SULT2B1: variants seen among roughly 807,000 people sequenced by gnomAD.
The protein encoded by SULT2B1 is sulfotransferase 2B1.
In SULT2B1, 16 loss-of-function variants were observed where a neutral mutation model predicts 33.2. That is an observed-to-expected ratio of 0.48 (90% CI 0.33 to 0.73). The LOEUF (loss-of-function observed/expected upper bound fraction) is 0.73. Ranked by LOEUF, SULT2B1 falls within the 30% of genes least tolerant of loss-of-function variation. SULT2B1 has a pLI of 0.02. For synonymous variants in SULT2B1, 186 were observed against 200.5 expected, an observed-to-expected ratio of 0.93 and a Z score of 0.61; for missense variants, 500 against 506.0, an observed-to-expected ratio of 0.99 and a Z score of 0.11.
At chr19:48,573,529 A>T (rs1039472093) in intron 1 of SULT2B1, among the ~76,000 whole-genome samples, 9 of 151,992 alleles carry the variant, frequency 5.9e-5, no homozygotes, top group Non-Finnish European at 4.4e-5. Context: ...GGTGGGGGAC[A>T]GGGGGGTCCT....
chr19:48,568,880 A>G (rs1333527176), intron 1 of SULT2B1, among the ~76,000 whole-genome samples: 1 of 123,022 alleles, frequency 8.1e-6, no homozygotes, highest in Admixed American at 8.1e-5. Flanking sequence ...CCAGCAGCCC[A>G]CCACTCACTT....
intron 5 of SULT2B1, among the ~76,000 whole-genome samples, chr19:48,595,304 AC>A (rs869172125): frequency 4.0e-4 from 20 of 50,462 alleles, no homozygotes; most frequent in African/African-American, 7.3e-4. Context: ...GCAGAGGGGC[AC>A]AGGGGAGGAC....
chr19:48,561,450 TAGATAAAATAAATAAATTAATTA>T (rs1297241161), intron 1 of SULT2B1, among the ~76,000 whole-genome samples: 1 of 139,310 alleles, frequency 7.2e-6, no homozygotes, highest in Non-Finnish European at 1.6e-5. Context: ...AATAAATAGA[TAGATAAAATAAATAAATTAATTA>T]AGATAAAATA....
rs534888704 is a variant in SULT2B1, at chr19:48,590,339, T to C, written c.424-1270T>C. Among the ~76,000 whole-genome samples, 5 of 150,996 alleles carry C rather than the reference T, an allele frequency of 3.3e-5. No homozygotes were observed. The South Asian group carries it at 1.1e-3, about 33-fold the overall frequency. On this transcript the variant is annotated intron_variant, in intron 3 of 6. Transcript: ENST00000201586. ...AGACTAGGCTGGGCATGGTGGCTCA[T>C]GCCTGTAATCCCAGCACTTGGGGAG... is the stretch of plus-strand genomic sequence containing the variant.
intron 2 of SULT2B1, among the ~76,000 whole-genome samples, chr19:48,580,652 C>T (rs1973474070): frequency 6.6e-6 from 1 of 151,718 alleles, no homozygotes; most frequent in African/African-American, 2.4e-5. Flanking sequence ...CAGAGATTTA[C>T]TTATTGGAGA....
intron 3 of SULT2B1, among the ~76,000 whole-genome samples, chr19:48,589,373 T>C (rs1156476531): frequency 1.3e-5 from 2 of 152,064 alleles, no homozygotes; most frequent in African/African-American, 2.4e-5. Context: ...CCATCCCACG[T>C]CCAGCAGAGG....
chr19:48,567,179 G>A (rs1002559467), intron 1 of SULT2B1, among the ~76,000 whole-genome samples: 2 of 152,034 alleles, frequency 1.3e-5, no homozygotes, highest in Admixed American at 6.6e-5. Flanking sequence ...TGATCGCCCT[G>A]GGATATATTT....
At chr19:48,582,008 G>A (rs1015780554) in intron 2 of SULT2B1, among the ~76,000 whole-genome samples, 3 of 150,840 alleles carry the variant, frequency 2.0e-5, no homozygotes, top group African/African-American at 4.9e-5. Context: ...GGGTTCAAGC[G>A]ATTCTCCTGC....
intron 6 of SULT2B1, among the ~76,000 whole-genome samples, chr19:48,598,599 G>A (rs964776812): frequency 6.6e-6 from 1 of 151,810 alleles, no homozygotes; most frequent in African/African-American, 2.4e-5. Context: ...GAAAAAAAAT[G>A]GAAAACTGAG....
chr19:48,581,334 G>A (rs111524960), intron 2 of SULT2B1, among the ~76,000 whole-genome samples: 2,261 of 151,364 alleles, frequency 0.015, 64 homozygotes, highest in African/African-American at 0.052. Context: ...ATGAGCCACC[G>A]CACCTGGCCA....
chr19:48,574,178 A>C (rs1973371026), intron 1 of SULT2B1, among the ~76,000 whole-genome samples: 1 of 152,174 alleles, frequency 6.6e-6, no homozygotes, highest in Admixed American at 6.6e-5. Flanking sequence ...GAGTTTTCAA[A>C]GTATCCACAG....
chr19:48,575,991 T>A lies in SULT2B1; in HGVS notation c.122T>A (p.Val41Asp). Residue 41 changes from valine (V) to aspartate (D), a missense_variant, in exon 2 of 7, where the codon GTC becomes GAC. Val to Asp is a radical substitution (Grantham distance 152, BLOSUM62 -3). Transcript: ENST00000201586. ...CGGTACAAGGGCGTCCCCTTCCCCG[T>A]CGGCCTGTACTCGCTCGAGAGCATC... The part of the protein sequence containing the change: ...YFRYKGVPFP[V>D]GLYSLESISL... The A allele has an allele frequency of 5.0e-6, 8 of 1,613,874 alleles. No homozygotes were observed. Among genetic ancestry groups the A allele is most frequent in the Non-Finnish European group, 6.8e-6 (8 of 1,179,924 alleles).
chr19:48,571,441 C>A (rs1412854574), intron 1 of SULT2B1, among the ~76,000 whole-genome samples: 1 of 151,858 alleles, frequency 6.6e-6, no homozygotes, highest in Non-Finnish European at 1.5e-5. Context: ...AGGTGATCCG[C>A]CCACCTCAGC....
At chr19:48,582,735 C>T (rs972612962) in intron 2 of SULT2B1, among the ~76,000 whole-genome samples, 1 of 151,880 alleles carries the variant, frequency 6.6e-6, no homozygotes, top group Non-Finnish European at 1.5e-5. Flanking sequence ...CCCAACTACT[C>T]GGAAGGCTGA....
At chr19:48,591,481 AAG>A (rs1280428760) in intron 3 of SULT2B1, 126 bp from the exon 4 acceptor site, 4 of 1,130,040 alleles carry the variant, frequency 3.5e-6, no homozygotes, top group South Asian at 1.8e-5. Flanking sequence ...GCAAAAAAAA[AAG>A]AGTCTGCCCT....
At chr19:48,596,179 C>G (rs1973711611) in intron 5 of SULT2B1, 1 of 153,638 alleles carries the variant, frequency 6.5e-6, no homozygotes, top group Non-Finnish European at 1.4e-5. Context: ...GCTACAGGGA[C>G]ACAGAGGAGG....
At chr19:48,592,383 G>C (rs10423750) in intron 4 of SULT2B1, among the ~76,000 whole-genome samples, 1 of 152,160 alleles carries the variant, frequency 6.6e-6, no homozygotes, top group Non-Finnish European at 1.5e-5. Flanking sequence ...GAAACAGGAG[G>C]AGACAGGCCC....
chr19:48,570,788 G>A (rs1601094269), intron 1 of SULT2B1, among the ~76,000 whole-genome samples: 2 of 151,650 alleles, frequency 1.3e-5, no homozygotes, highest in East Asian at 2.0e-4. Flanking sequence ...GCAGTGGCGC[G>A]ATCTCGGCTC....
intron 1 of SULT2B1, among the ~76,000 whole-genome samples, chr19:48,564,454 G>T (rs1308686818): frequency 6.9e-6 from 1 of 145,048 alleles, no homozygotes; most frequent in Admixed American, 7.2e-5. Flanking sequence ...TTGGGAGGCT[G>T]AGGAAGGAGA....
Sources: gnomAD v4.1 joint callset for allele counts (sites outside exome capture counted in the v4.1 genomes callset) on GRCh38, gnomAD v4.1.1 for gene constraint, MANE v1.5 for transcripts, NCBI Gene and HGNC (gene_info 2026-07-23, HGNC 2026-07-21) for gene names.